Variants in ITK observed in about 807,000 individuals in gnomAD.
ITK encodes the protein tyrosine-protein kinase ITK/TSK.
ITK carries 45 observed loss-of-function variants against 87.6 expected under a neutral mutation model. The ratio of observed to expected loss-of-function variants is 0.51; its 90% CI spans 0.40 to 0.66. ITK has a LOEUF of 0.66. Among genes scored for constraint, ITK ranks in the 30% least tolerant of loss-of-function variants. The pLI is 0.00. For synonymous variants in ITK, 303 were observed against 273.6 expected (o/e 1.11, Z -1.06); for missense variants, 605 against 766.3 (o/e 0.79, Z 2.48).
intron 1 of ITK, among the ~76,000 whole-genome samples, chr5:157,196,382 T>G (rs1753855843): frequency 6.6e-6 from 1 of 152,202 alleles, no homozygotes; most frequent in Admixed American, 6.5e-5. Context: ...TAAAAAATAG[T>G]ACTTAAGTAT....
intron 7 of ITK, among the ~76,000 whole-genome samples, chr5:157,228,914 C>T (rs1316611459): frequency 2.0e-5 from 3 of 152,148 alleles, no homozygotes; most frequent in Non-Finnish European, 4.4e-5. Flanking sequence ...AGGTATGAAC[C>T]GCTGTGCCCA....
chr5:157,192,802 C>A (rs1416857097), intron 1 of ITK, among the ~76,000 whole-genome samples: 1 of 152,132 alleles, frequency 6.6e-6, no homozygotes, highest in Non-Finnish European at 1.5e-5. Flanking sequence ...ACCCTTCCCC[C>A]TGGGATGTAA....
chr5:157,245,986 T>C lies in ITK; in HGVS notation c.1620T>C (p.Asp540=). Residue 540 remains aspartate (D), a synonymous_variant, in exon 15 of 17, where the codon GAT becomes GAC. Transcript: ENST00000422843. ...TCAGTCGCTATAGCAGCAAGTCCGA[T>C]GTGTGGTCATTTGGTGAGTGTCATG... ...FSFSRYSSKS[D]VWSFGVLMWE... 1.9e-6 allele frequency: 3 copies of C among 1,611,246 alleles called. No homozygotes were observed. Among genetic ancestry groups the C allele is most frequent in the Non-Finnish European group, 2.5e-6 (3 of 1,177,426 alleles).
At chr5:157,224,793 A>C (rs939992728) in intron 6 of ITK, among the ~76,000 whole-genome samples, 1 of 152,104 alleles carries the variant, frequency 6.6e-6, no homozygotes, top group African/African-American at 2.4e-5. Flanking sequence ...AAATAATCAT[A>C]ATAATAATAA....
chr5:157,203,931 C>T (rs1227664244), intron 1 of ITK, among the ~76,000 whole-genome samples: 3 of 152,162 alleles, frequency 2.0e-5, no homozygotes, highest in Non-Finnish European at 1.5e-5. Context: ...CTTTGGCTAC[C>T]TCAGGGTTAT....
chr5:157,245,513 T>C (rs13181034), intron 13 of ITK: 11,367 of 619,648 alleles, frequency 0.018, 146 homozygotes, highest in Non-Finnish European at 0.026. Context: ...AAGATAAACT[T>C]ACTCATCTTG....
intron 4 of ITK, among the ~76,000 whole-genome samples, chr5:157,215,617 G>A (rs30142): frequency 0.23 from 34,549 of 152,092 alleles, 4,614 homozygotes; most frequent in Admixed American, 0.3. Context: ...ATAACAGAAC[G>A]GCATGGGCTT....
intron 16 of ITK, among the ~76,000 whole-genome samples, chr5:157,250,089 TA>T (rs1226862632): frequency 6.6e-6 from 1 of 152,216 alleles, no homozygotes; most frequent in African/African-American, 2.4e-5. Context: ...CTAAAGTTCA[TA>T]GTTTACATTA....
intron 1 of ITK, among the ~76,000 whole-genome samples, chr5:157,189,620 G>T (rs1024661730): frequency 1.3e-5 from 2 of 152,198 alleles, no homozygotes; most frequent in South Asian, 2.1e-4. Context: ...GGCAGAGGTT[G>T]CAGTAGGCTG....
At chr5:157,245,421 A>C in intron 13 of ITK, 1 of 480,312 alleles carries the variant, frequency 2.1e-6, no homozygotes, top group Non-Finnish European at 3.8e-6. Context: ...CCTGATGTTA[A>C]CATTTCCTAT....
intron 15 of ITK, 124 bp from the exon 16 acceptor site, chr5:157,248,726 A>G (rs1755070676): frequency 9.2e-7 from 1 of 1,084,218 alleles, no homozygotes; most frequent in Non-Finnish European, 1.4e-6. Flanking sequence ...GGTAGACTTG[A>G]TGCACTTCTG....
intron 4 of ITK, among the ~76,000 whole-genome samples, chr5:157,216,897 T>C (rs1483838851): frequency 2.0e-5 from 3 of 152,160 alleles, no homozygotes; most frequent in Admixed American, 2.0e-4. Flanking sequence ...TGGGCTCCAG[T>C]GTCAATGTGT....
chr5:157,230,036 G>A (rs1022909704), intron 7 of ITK, among the ~76,000 whole-genome samples: 6 of 152,186 alleles, frequency 3.9e-5, no homozygotes, highest in South Asian at 4.1e-4. Context: ...TGGGACAACC[G>A]ATACAATTTG....
intron 1 of ITK, among the ~76,000 whole-genome samples, chr5:157,189,408 A>G (rs1753707687): frequency 6.6e-6 from 1 of 152,144 alleles, no homozygotes; most frequent in Non-Finnish European, 1.5e-5. Flanking sequence ...GCCTGGGCAC[A>G]GTGGCTTATG....
chr5:157,238,035 C>A, intron 8 of ITK, 74 bp from the exon 9 acceptor site: 3 of 1,114,850 alleles, frequency 2.7e-6, no homozygotes, highest in Non-Finnish European at 4.1e-6. Context: ...CTTCTGTGGG[C>A]AAGAAAGTGG....
chr5:157,190,290 A>G (rs996917657), intron 1 of ITK, among the ~76,000 whole-genome samples: 11 of 152,120 alleles, frequency 7.2e-5, no homozygotes, highest in African/African-American at 2.7e-4. Flanking sequence ...CAAACTTCAT[A>G]TATTTTGCCA....
At chr5:157,251,865 C>T (rs2113779222) in intron 16 of ITK, among the ~76,000 whole-genome samples, 1 of 152,314 alleles carries the variant, frequency 6.6e-6, no homozygotes, top group Non-Finnish European at 1.5e-5. Flanking sequence ...CTTTCACTAG[C>T]ACCATCCTCT....
Position 157,232,327 on chromosome 5 carries a change from T to C in ITK, c.714-13T>C, listed in dbSNP as rs1192181684. 2 of 1,596,118 alleles carry C rather than the reference T, an allele frequency of 1.3e-6. No homozygotes were observed. The highest frequency in any genetic ancestry group is 1.7e-6 in the Non-Finnish European group (2 of 1,164,222). ...AAATATGTCATTGACATATGACTTT[T>C]CCTTGCTTTCAGGTGGTACAATAAG... On this transcript the variant is annotated splice_polypyrimidine_tract_variant and intron_variant, in intron 7 of 16. Transcript: ENST00000422843.
At chr5:157,209,075 C>T in intron 2 of ITK, 82 bp downstream of exon 2, 2 of 935,658 alleles carry the variant, frequency 2.1e-6, no homozygotes, top group South Asian at 1.3e-5. Flanking sequence ...GTGGTTCAAG[C>T]CTGTAATCCT....
Sources: allele counts gnomAD v4.1 joint callset (sites outside exome capture counted in the v4.1 genomes callset), GRCh38; gene constraint gnomAD v4.1.1; transcripts MANE v1.5; gene names NCBI Gene and HGNC (gene_info 2026-07-23, HGNC 2026-07-21).